Variants in SGCZ observed in about 807,000 individuals in gnomAD.
SGCZ encodes the protein zeta-sarcoglycan.
A neutral mutation model predicts 41.3 loss-of-function variants in SGCZ; 40 were observed. The observed-to-expected ratio is 0.97, with a 90% CI of 0.75 to 1.26. SGCZ has a LOEUF of 1.26. Among genes scored for constraint, SGCZ ranks in the 50% most tolerant of loss-of-function variants. The pLI is 0.00. For synonymous variants in SGCZ, 206 were observed against 137.5 expected (o/e 1.50, Z -3.49); for missense variants, 552 against 369.8 (o/e 1.49, Z -4.04).
chr8:14,335,437 T>C (rs779786253), intron 2 of SGCZ, among the ~76,000 whole-genome samples: 1 of 152,152 alleles, frequency 6.6e-6, no homozygotes, highest in Admixed American at 6.5e-5. Flanking sequence ...TTGAATCTGG[T>C]TAATTTCATT....
At chr8:14,804,625 A>G (rs377559214) in intron 1 of SGCZ, among the ~76,000 whole-genome samples, 12 of 145,920 alleles carry the variant, frequency 8.2e-5, no homozygotes, top group African/African-American at 3.0e-4. Flanking sequence ...AAAGTGATGC[A>G]GAGAATGGAA....
At chr8:14,466,758 T>A (rs548686432) in intron 2 of SGCZ, among the ~76,000 whole-genome samples, 1 of 152,086 alleles carries the variant, frequency 6.6e-6, no homozygotes, top group East Asian at 1.9e-4. Context: ...TAATAACTTT[T>A]TGTTCCAGTT....
intron 2 of SGCZ, among the ~76,000 whole-genome samples, chr8:14,423,913 A>G (rs1799705456): frequency 1.3e-5 from 2 of 151,752 alleles, no homozygotes; most frequent in Non-Finnish European, 2.9e-5. Flanking sequence ...AGTACCAAAC[A>G]TATTCAGGTA....
At chr8:14,872,347 T>C (rs574376003) in intron 1 of SGCZ, among the ~76,000 whole-genome samples, 1 of 152,236 alleles carries the variant, frequency 6.6e-6, no homozygotes, top group African/African-American at 2.4e-5. Flanking sequence ...ATATAAGCTA[T>C]CTGTTACTTT....
intron 1 of SGCZ, among the ~76,000 whole-genome samples, chr8:14,878,220 G>C (rs886937329): frequency 6.7e-6 from 1 of 148,748 alleles, no homozygotes. Flanking sequence ...TTCCATTTTG[G>C]CTTAGTGCTA....
intron 1 of SGCZ, among the ~76,000 whole-genome samples, chr8:14,855,548 T>C (rs1392361536): frequency 6.6e-6 from 1 of 152,158 alleles, no homozygotes; most frequent in East Asian, 1.9e-4. Context: ...TCAATTCTGG[T>C]TCTCTCATCT....
chr8:14,098,111 C>CAAAT (rs1424479710), intron 7 of SGCZ, among the ~76,000 whole-genome samples: 2 of 151,968 alleles, frequency 1.3e-5, no homozygotes, highest in Non-Finnish European at 2.9e-5. Flanking sequence ...CTACATAACA[C>CAAAT]AAATAGTTAT....
intron 1 of SGCZ, among the ~76,000 whole-genome samples, chr8:15,056,558 A>C (rs1295046837): frequency 6.6e-6 from 1 of 150,864 alleles, no homozygotes; most frequent in Non-Finnish European, 1.5e-5. Flanking sequence ...AAAAAAAAAC[A>C]TTAGAAATGA....
chr8:14,375,148 A>C (rs1804068762), intron 2 of SGCZ, among the ~76,000 whole-genome samples: 4 of 146,310 alleles, frequency 2.7e-5, no homozygotes, highest in Admixed American at 1.3e-4. Flanking sequence ...ACAGACAGAT[A>C]GATATTTGGC....
intron 1 of SGCZ, among the ~76,000 whole-genome samples, chr8:14,774,685 C>G (rs1456150229): frequency 6.6e-6 from 1 of 152,182 alleles, no homozygotes; most frequent in Non-Finnish European, 1.5e-5. Flanking sequence ...TGACTTTGCT[C>G]AAAGTATTTA....
intron 5 of SGCZ, among the ~76,000 whole-genome samples, chr8:14,151,297 C>G (rs966878252): frequency 6.6e-6 from 1 of 151,890 alleles, no homozygotes; most frequent in African/African-American, 2.4e-5. Context: ...AATATATATG[C>G]ATACTATATG....
chr8:14,249,122 C>T (rs1023136847), intron 3 of SGCZ, among the ~76,000 whole-genome samples: 4 of 151,944 alleles, frequency 2.6e-5, no homozygotes, highest in Non-Finnish European at 4.4e-5. Context: ...ATCAGTAGTC[C>T]CATTCAGGAA....
chr8:14,505,841 T>C (rs974622391), intron 2 of SGCZ, among the ~76,000 whole-genome samples: 1 of 152,102 alleles, frequency 6.6e-6, no homozygotes, highest in Non-Finnish European at 1.5e-5. Flanking sequence ...GGCCCCATCG[T>C]ATACTTAATA....
intron 1 of SGCZ, among the ~76,000 whole-genome samples, chr8:15,156,742 A>G: frequency 6.6e-6 from 1 of 152,084 alleles, no homozygotes; most frequent in Non-Finnish European, 1.5e-5. Flanking sequence ...TCAGGAGTTC[A>G]AGACCAGCCT....
At chr8:14,996,235 G>A (rs1343513383) in intron 1 of SGCZ, among the ~76,000 whole-genome samples, 1 of 152,006 alleles carries the variant, frequency 6.6e-6, no homozygotes, top group African/African-American at 2.4e-5. Context: ...GGTCATTACT[G>A]AGAAATACTA....
chr8:14,449,765 G>A (rs1034724548), intron 2 of SGCZ, among the ~76,000 whole-genome samples: 2 of 152,010 alleles, frequency 1.3e-5, no homozygotes, highest in African/African-American at 4.8e-5. Context: ...CATATTCTAG[G>A]CTTAAACTGA....
At chr8:14,689,916 C>T (rs1808743443) in intron 1 of SGCZ, among the ~76,000 whole-genome samples, 1 of 152,142 alleles carries the variant, frequency 6.6e-6, no homozygotes, top group South Asian at 2.1e-4. Flanking sequence ...CACTTACTGC[C>T]TACGCAGGAC....
intron 1 of SGCZ, among the ~76,000 whole-genome samples, chr8:15,059,298 T>A (rs1804830111): frequency 6.6e-6 from 1 of 152,166 alleles, no homozygotes; most frequent in South Asian, 2.1e-4. Flanking sequence ...GTGTAAGCAA[T>A]CAGCAAAGTC....
At chr8:14,399,020 G>A (rs1448056806) in intron 2 of SGCZ, among the ~76,000 whole-genome samples, 1 of 152,038 alleles carries the variant, frequency 6.6e-6, no homozygotes, top group Non-Finnish European at 1.5e-5. Flanking sequence ...TTTTCCTAAA[G>A]GGAACATTTC....
Sources: allele counts gnomAD v4.1 joint callset (sites outside exome capture counted in the v4.1 genomes callset), GRCh38; gene constraint gnomAD v4.1.1; transcripts MANE v1.5; gene names NCBI Gene and HGNC (gene_info 2026-07-23, HGNC 2026-07-21).